The following RIN1 variants were observed in gnomAD, a reference collection of about 807,000 sequenced individuals.
The protein encoded by RIN1 is ras inhibitor 1.
RIN1 carries 52 observed loss-of-function variants against 64.9 expected under a neutral mutation model. The observed-to-expected ratio is 0.80, with a 90% confidence interval of 0.64 to 1.01. The LOEUF (loss-of-function observed/expected upper bound fraction) is 1.01, where lower values mean the gene tolerates loss of function less well. Among genes scored for constraint, RIN1 ranks in the 50% least tolerant of loss-of-function variants. The pLI, the probability that RIN1 is intolerant of heterozygous loss-of-function variation, is 0.00. For missense variants in RIN1, 1,040 were observed against 1,064.5 expected (o/e 0.98, Z 0.32); for synonymous variants, 486 against 483.6 (o/e 1.00, Z -0.06).
upstream of RIN1, chr11:66,336,541 A>ACAGG: frequency 1.4e-6 from 1 of 727,574 alleles, no homozygotes; most frequent in Non-Finnish European, 2.3e-6. Context: ...CTGCCTGGCC[A>ACAGG]GTGCCCGCCT....
chr11:66,334,822 C>T lies in RIN1; in HGVS notation c.977G>A (p.Gly326Glu). 1 of 1,546,484 alleles carries T rather than the reference C, an allele frequency of 6.5e-7. No homozygotes were observed. Among genetic ancestry groups the T allele is most frequent in the Non-Finnish European group, 8.7e-7 (1 of 1,144,060 alleles). ...TGGGCTCCCCCGGGACCCTGGCACCCCCTCCTCCTCGGAGCTGCTGGGGGA... is the reference window on the plus strand; with the variant it reads ...TGGGCTCCCCCGGGACCCTGGCACCTCCTCCTCCTCGGAGCTGCTGGGGGA... The part of the protein sequence containing the change: ...CGSPSSSEEE[G>E]VPGSRGSPAT... Residue 326 changes from glycine to glutamate, a missense_variant, in exon 6 of 10, where the codon GGG becomes GAG. By Grantham distance (98) the Gly-to-Glu change is moderately conservative. Transcript: ENST00000311320.
In RIN1 at chr11:66,332,531, G is replaced by A. The variant is rs148553978; in HGVS notation, c.2097C>T (p.Leu699=). The A allele has an allele frequency of 9.5e-5, 154 of 1,613,430 alleles. No individual in the cohort carries two copies. Among genetic ancestry groups the A allele is most frequent in the African/African-American group, 2.3e-4 (17 of 74,938 alleles). Residue 699 remains leucine, a synonymous_variant, in exon 10 of 10, where the codon CTC becomes CTT. Transcript: ENST00000311320. ...CAGGCCACTCCGCCCGGCGGTAGAC[G>A]AGGTAGCCAGTGGTGGGCAGCCTGT... ...LAHRLPTTGY[L]VYRRAEWPET...
At chr11:66,333,163 G>C in intron 9 of RIN1, 95 bp downstream of exon 9, 1 of 1,453,562 alleles carries the variant, frequency 6.9e-7, no homozygotes, top group Non-Finnish European at 9.5e-7. Flanking sequence ...TAGAACCCAG[G>C]ATCTGTCTAC....
At chr11:66,336,534 C>A (rs1484010034), upstream of RIN1, 2 of 763,664 alleles carry the variant, frequency 2.6e-6, no homozygotes, top group Non-Finnish European at 4.3e-6. Flanking sequence ...GTCCACCCTG[C>A]CTGGCCAGTG....
chr11:66,334,667 CTG>C lies in RIN1; in HGVS notation c.1130_1131del (p.Thr377SerfsTer43). 1 of 1,558,250 alleles carries C rather than the reference CTG, an allele frequency of 6.4e-7. No homozygotes were observed. The highest frequency in any genetic ancestry group is 8.7e-7 in the Non-Finnish European group (1 of 1,153,606). ...AAAALMQDRH[T>X]AAGQLVQDLL... ...AGGTCCTGCACCAGCTGGCCCGCGG[CTG>C]TGTGTCGGTCCTGCATCAGTGCTGC... On this transcript the variant is annotated frameshift_variant, in exon 6 of 10. Coordinates refer to ENST00000311320, the MANE Select transcript of RIN1 (RefSeq NM_004292.3). LOFTEE classifies it high-confidence loss of function.
Position 66,332,255 on chromosome 11 carries a change from G to A in RIN1, c.*21C>T. The A allele has an allele frequency of 6.2e-7, 1 of 1,608,924 alleles. No individual in the cohort carries two copies. Among genetic ancestry groups the A allele is most frequent in the Non-Finnish European group, 8.5e-7 (1 of 1,176,022 alleles). On this transcript the variant is annotated 3_prime_UTR_variant, in exon 10 of 10. Coordinates refer to ENST00000311320, the MANE Select transcript of RIN1 (RefSeq NM_004292.3). Reference sequence around the variant, plus strand: ...AGGCTCAGGGTCTCCCGCCCCGAATGACCCTTCTGGCCACTTCAAGCTACT... The same window carrying A: ...AGGCTCAGGGTCTCCCGCCCCGAATAACCCTTCTGGCCACTTCAAGCTACT...
At position 66,332,269 on chromosome 11, in the gene RIN1, C is replaced by T. The variant is rs1854751429; in HGVS notation, c.*7G>A. ...CCGCCCCGAATGACCCTTCTGGCCA[C>T]TTCAAGCTACTCCTCTGCTGCCCGG... On this transcript the variant is annotated 3_prime_UTR_variant, in exon 10 of 10. Coordinates refer to ENST00000311320, the MANE Select transcript of RIN1 (RefSeq NM_004292.3). 1.2e-6 allele frequency: 2 copies of T among 1,613,654 alleles called. No homozygotes were observed. Among genetic ancestry groups the T allele is most frequent in the Non-Finnish European group, 1.7e-6 (2 of 1,179,880 alleles).
At chr11:66,332,812 A>C (rs941453828) in intron 9 of RIN1, 60 bp from the exon 10 acceptor site, 10 of 1,272,292 alleles carry the variant, frequency 7.9e-6, no homozygotes, top group African/African-American at 4.5e-5. Context: ...ATCTGGCTCC[A>C]AAGCTGAGAC....
chr11:66,335,402 C>T lies in RIN1; in HGVS notation c.547+5G>A, dbSNP rs1441585326. 6.2e-7 allele frequency: 1 copy of T among 1,605,058 alleles called. No homozygotes were observed. Among genetic ancestry groups the T allele is most frequent in the Admixed American group, 1.7e-5 (1 of 59,580 alleles). On this transcript the variant is annotated splice_donor_5th_base_variant and intron_variant, in intron 5 of 9. Coordinates refer to ENST00000311320, the MANE Select transcript of RIN1 (RefSeq NM_004292.3). Reference sequence around the variant, plus strand: ...TCTGTGCAATGGGTGGCAGGAAGCCCTTACCAATGCCCAGATGGGAGATGG... The same window carrying T: ...TCTGTGCAATGGGTGGCAGGAAGCCTTTACCAATGCCCAGATGGGAGATGG...
Position 66,331,928 on chromosome 11 carries a change from A to C in RIN1, c.*348T>G. ...TGCCTCAGCCATGCCCATGAGGGGAAGGGTAAAAGGAGCTGAGACCGTCAC... is the reference window on the plus strand; with the variant it reads ...TGCCTCAGCCATGCCCATGAGGGGACGGGTAAAAGGAGCTGAGACCGTCAC... On this transcript the variant is annotated 3_prime_UTR_variant, in exon 10 of 10. Coordinates refer to ENST00000311320, the MANE Select transcript of RIN1 (RefSeq NM_004292.3). 1.6e-5 allele frequency: 5 copies of C among 310,592 alleles called. No individual in the cohort carries two copies. The highest frequency in any genetic ancestry group is 2.1e-5 in the African/African-American group (1 of 46,520). The allele number at this position is 310,592 out of a possible 1,614,324, so 19.2% of individuals were successfully genotyped here.
upstream of RIN1, chr11:66,336,641 A>C: frequency 3.9e-6 from 2 of 506,352 alleles, no homozygotes; most frequent in South Asian, 2.9e-5. Context: ...CCACCTCCAC[A>C]CACGGCCTCC....
rs138640780 is a variant in RIN1 at position 66,335,056 on chromosome 11, C to T, written c.743G>A (p.Arg248His). 110 of 1,529,574 alleles carry T rather than the reference C, an allele frequency of 7.2e-5. No individual in the cohort carries two copies. The highest frequency in any genetic ancestry group is 1.3e-4 in the African/African-American group (9 of 71,896). The allele number at this position is 1,529,574 out of a possible 1,614,324, so 94.8% of individuals were successfully genotyped here. The change falls in exon 6 of 10, where the codon CGC becomes CAC. Residue 248 changes from arginine (R) to histidine (H), a missense_variant. Arg to His is a conservative substitution (Grantham distance 29). Coordinates refer to ENST00000311320, the MANE Select transcript of RIN1 (RefSeq NM_004292.3). Reference sequence around the variant, plus strand: ...GGGGCTGGAGGTCTCTGTGGACACGCGCACTTTGAAGCTTCTCTTGAATTT... The same window carrying T: ...GGGGCTGGAGGTCTCTGTGGACACGTGCACTTTGAAGCTTCTCTTGAATTT... ...REKFKRSFKV[R>H]VSTETSSPLS...
intron 9 of RIN1, 37 bp downstream of exon 9, chr11:66,333,221 G>A (rs1357616463): frequency 6.2e-7 from 1 of 1,603,480 alleles, no homozygotes; most frequent in African/African-American, 1.3e-5. Context: ...GGCGGGGATG[G>A]CGTCTGGCTC....
In RIN1 at chr11:66,334,683, C is replaced by T. The variant is rs1177581384; in HGVS notation, c.1116G>A (p.Met372Ile). The stretch of plus-strand genomic sequence containing the variant: ...GGCCCGCGGCTGTGTGTCGGTCCTG[C>T]ATCAGTGCTGCCGCAGCCCGGCCCA... ...RQVGRAAAAL[M>I]QDRHTAAGQL... The change falls in exon 6 of 10, where the codon ATG becomes ATA. Residue 372 changes from methionine to isoleucine, a missense_variant. Transcript: ENST00000311320. 1 of 1,555,180 alleles carries T rather than the reference C, an allele frequency of 6.4e-7. No homozygotes were observed. The highest frequency in any genetic ancestry group is 8.7e-7 in the Non-Finnish European group (1 of 1,151,542).
At position 66,335,028 on chromosome 11, in the gene RIN1, C is replaced by A; in HGVS notation, c.771G>T (p.Leu257=). The A allele has an allele frequency of 6.5e-7, 1 of 1,536,010 alleles. No homozygotes were observed. The highest frequency in any genetic ancestry group is 2.3e-5 in the East Asian group (1 of 44,160). The change falls in exon 6 of 10, where the codon CTG becomes CTT. Residue 257 remains leucine (L), a synonymous_variant. Transcript: ENST00000311320. ...GGGGAGGTGGCACGGCAGGTGGAGA[C>A]AGGGGGCTGGAGGTCTCTGTGGACA... ...VRVSTETSSP[L]SPPAVPPPPV...
rs1854905167 is a variant in RIN1 at position 66,336,355 on chromosome 11, G to T, written c.48C>A (p.Ser16Arg). 1 of 1,613,564 alleles carries T rather than the reference G, an allele frequency of 6.2e-7. No individual in the cohort carries two copies. Among genetic ancestry groups the T allele is most frequent in the Admixed American group, 1.7e-5 (1 of 59,974 alleles). Residue 16 changes from serine to arginine, a missense_variant, in exon 1 of 10, where the codon AGC becomes AGA. By Grantham distance (110) the Ser-to-Arg change is moderately radical. Transcript: ENST00000311320. ...ESGAGSPGAPSPSSFTTGHLA... is the reference protein window; with the variant it reads ...ESGAGSPGAPRPSSFTTGHLA... ...GGTGCCCAGTAGTGAAGCTGGACGGGCTGGGGGCTCCAGGAGAGCCCGCGC... is the reference window on the plus strand; with the variant it reads ...GGTGCCCAGTAGTGAAGCTGGACGGTCTGGGGGCTCCAGGAGAGCCCGCGC...
At position 66,336,111 on chromosome 11, in the gene RIN1, T is replaced by C. The variant is rs1362524398; in HGVS notation, c.134A>G (p.Gln45Arg). ...CCCCGGCCGCTGCGGCCCGCCTGCC[T>C]GCCCGCCGCTGGCATTGGGCACGTC... ...LYDVPNASGG[Q>R]AGGPQRPGRV... Residue 45 changes from glutamine (Q) to arginine (R), a missense_variant, in exon 2 of 10, where the codon CAG becomes CGG. Transcript: ENST00000311320. The C allele has an allele frequency of 3.5e-6, 5 of 1,441,068 alleles. No homozygotes were observed. The highest frequency in any genetic ancestry group is 2.8e-5 in the Admixed American group (1 of 36,118). 89.3% of individuals were successfully genotyped at this position (1,441,068 alleles called of 1,614,324 possible). A position where few individuals can be genotyped will look rare whatever the true frequency, so the allele number is the denominator to read the frequency against.
At position 66,334,507 on chromosome 11, in the gene RIN1, G is replaced by A. The variant is rs10896110; in HGVS notation, c.1285+7C>T. 0.21 allele frequency: 329,838 copies of A among 1,593,664 alleles called. 35,526 individuals are homozygous for A. The highest frequency in any genetic ancestry group is 0.26 in the East Asian group (11,687 of 44,182). Reference sequence around the variant, plus strand: ...AGTGCTGGAGCTATGGAGAGACGGAGCCTCACCCAGCCTCTTAGGCGACAG... The same window carrying A: ...AGTGCTGGAGCTATGGAGAGACGGAACCTCACCCAGCCTCTTAGGCGACAG... On this transcript the variant is annotated splice_region_variant and intron_variant, in intron 6 of 9. Transcript: ENST00000311320.
At chr11:66,334,359 G>T in intron 6 of RIN1, 135 bp from the exon 7 acceptor site, 1 of 1,232,564 alleles carries the variant, frequency 8.1e-7, no homozygotes, top group Non-Finnish European at 1.1e-6. Flanking sequence ...TGAGACGGAA[G>T]AGTTGGGGGA....
Sources: allele counts gnomAD v4.1 joint callset, GRCh38; gene constraint gnomAD v4.1.1; transcripts MANE v1.5; gene names NCBI Gene and HGNC (gene_info 2026-07-23, HGNC 2026-07-21).